HRH1: variants seen among roughly 807,000 people sequenced by gnomAD.
HRH1 encodes the protein histamine H1 receptor.
In HRH1, 6 loss-of-function variants were observed where a neutral mutation model predicts 10.3. That is an observed-to-expected ratio of 0.58 (90% CI 0.32 to 1.15). The LOEUF is 1.15. Among genes scored for constraint, HRH1 ranks in the 50% most tolerant of loss-of-function variants. The pLI, the probability that HRH1 is intolerant of heterozygous loss-of-function variation, is 0.05. For synonymous variants in HRH1, 242 were observed against 236.7 expected, an observed-to-expected ratio of 1.02 and a Z score of -0.21; for missense variants, 514 against 615.3, an observed-to-expected ratio of 0.84 and a Z score of 1.74.
intron 1 of HRH1, among the ~76,000 whole-genome samples, chr3:11,161,735 A>G (rs1443118667): frequency 6.6e-6 from 1 of 152,222 alleles, no homozygotes; most frequent in Non-Finnish European, 1.5e-5. Flanking sequence ...TCCCTGTTGT[A>G]TCAGGAGCTC....
upstream of HRH1, among the ~76,000 whole-genome samples, chr3:11,150,062 T>A (rs886206076): frequency 1.3e-5 from 2 of 152,256 alleles, no homozygotes; most frequent in African/African-American, 4.8e-5. Flanking sequence ...TCACTTCTCA[T>A]TGTGATCTTT....
intron 1 of HRH1, among the ~76,000 whole-genome samples, chr3:11,182,649 T>C (rs1012410262): frequency 6.6e-6 from 1 of 152,134 alleles, no homozygotes; most frequent in African/African-American, 2.4e-5. Context: ...TATGCATCTG[T>C]GAAATGGAGG....
chr3:11,189,476 G>T (rs964013277), intron 1 of HRH1, among the ~76,000 whole-genome samples: 1 of 152,152 alleles, frequency 6.6e-6, no homozygotes, highest in African/African-American at 2.4e-5. Flanking sequence ...GTATTATAAC[G>T]AGATCCTTGG....
chr3:11,241,544 A>T (rs1174228614), intron 1 of HRH1, among the ~76,000 whole-genome samples: 1 of 152,092 alleles, frequency 6.6e-6, no homozygotes, highest in Non-Finnish European at 1.5e-5. Context: ...TATAAAATGC[A>T]CCACTCAGGC....
intron 1 of HRH1, among the ~76,000 whole-genome samples, chr3:11,197,767 A>G (rs1937720648): frequency 1.3e-5 from 2 of 152,146 alleles, no homozygotes; most frequent in Non-Finnish European, 2.9e-5. Context: ...CCATAAAACT[A>G]ATTGAAGGAA....
At chr3:11,250,730 G>A (rs986921894) in intron 1 of HRH1, among the ~76,000 whole-genome samples, 1 of 152,170 alleles carries the variant, frequency 6.6e-6, no homozygotes, top group Non-Finnish European at 1.5e-5. Flanking sequence ...TCTCATAAGG[G>A]GGTAGACCTA....
At chr3:11,223,219 C>T (rs762280057) in intron 1 of HRH1, among the ~76,000 whole-genome samples, 1 of 133,448 alleles carries the variant, frequency 7.5e-6, no homozygotes, top group Non-Finnish European at 1.5e-5. Context: ...AAAGTCCAGG[C>T]ACAGTGGCTC....
chr3:11,147,540 C>T (rs1936478750), intron 1 of HRH1, among the ~76,000 whole-genome samples: 1 of 152,134 alleles, frequency 6.6e-6, no homozygotes, highest in South Asian at 2.1e-4. Flanking sequence ...AAATAAGCTA[C>T]CTCAGCTATG....
At chr3:11,217,381 T>G (rs994915361) in intron 1 of HRH1, among the ~76,000 whole-genome samples, 1 of 151,526 alleles carries the variant, frequency 6.6e-6, no homozygotes, top group Non-Finnish European at 1.5e-5. Context: ...ATACAAAAAT[T>G]ATCCCGGCAT....
intron 1 of HRH1, among the ~76,000 whole-genome samples, chr3:11,242,116 T>C (rs1939360391): frequency 6.6e-6 from 1 of 152,168 alleles, no homozygotes; most frequent in South Asian, 2.1e-4. Context: ...TTCTAGGCTG[T>C]AGAAGGTTTC....
intron 1 of HRH1, among the ~76,000 whole-genome samples, chr3:11,147,989 G>A (rs984079867): frequency 6.6e-6 from 1 of 152,042 alleles, no homozygotes; most frequent in Non-Finnish European, 1.5e-5. Context: ...AGACCATCCT[G>A]GCCAACATGG....
chr3:11,216,082 C>G (rs1938482541), intron 1 of HRH1, among the ~76,000 whole-genome samples: 1 of 152,060 alleles, frequency 6.6e-6, no homozygotes. Flanking sequence ...GGAACATTAC[C>G]TTTTGGATCC....
intron 1 of HRH1, among the ~76,000 whole-genome samples, chr3:11,250,329 G>A (rs1386378427): frequency 1.3e-5 from 2 of 151,616 alleles, no homozygotes; most frequent in Non-Finnish European, 2.9e-5. Context: ...AAAGTGCTGG[G>A]ATTACAGGCG....
At chr3:11,210,599 C>A (rs1319964055) in intron 1 of HRH1, among the ~76,000 whole-genome samples, 1 of 152,122 alleles carries the variant, frequency 6.6e-6, no homozygotes, top group Non-Finnish European at 1.5e-5. Context: ...TGAGGCCAGC[C>A]TGGGCAATGC....
At chr3:11,161,046 C>G (rs902602146) in intron 1 of HRH1, among the ~76,000 whole-genome samples, 2 of 152,062 alleles carry the variant, frequency 1.3e-5, no homozygotes, top group Non-Finnish European at 2.9e-5. Flanking sequence ...TGTCATTCTC[C>G]TCCTGCCCTG....
At chr3:11,151,390 G>A (rs1389240797), upstream of HRH1, among the ~76,000 whole-genome samples, 2 of 152,184 alleles carry the variant, frequency 1.3e-5, no homozygotes, top group Non-Finnish European at 2.9e-5. Flanking sequence ...TCTGAATCCA[G>A]GCCTACTTCC....
At chr3:11,144,527 C>T (rs1479916024) in intron 1 of HRH1, among the ~76,000 whole-genome samples, 2 of 127,458 alleles carry the variant, frequency 1.6e-5, no homozygotes, top group East Asian at 2.2e-4. Flanking sequence ...TCATGGAATA[C>T]TACTCAGCCA....
chr3:11,178,771 G>A (rs1574990958), intron 1 of HRH1, among the ~76,000 whole-genome samples: 2 of 152,088 alleles, frequency 1.3e-5, no homozygotes, highest in Middle Eastern at 3.4e-3. Context: ...TGCTTTCTCC[G>A]AGAGCCCTTC....
At chr3:11,225,261 T>G (rs1282254691) in intron 1 of HRH1, among the ~76,000 whole-genome samples, 1 of 152,270 alleles carries the variant, frequency 6.6e-6, no homozygotes, top group Non-Finnish European at 1.5e-5. Context: ...ATGCCTTCAT[T>G]TCCTTTTCTT....
Sources: gnomAD v4.1 joint callset for allele counts (sites outside exome capture counted in the v4.1 genomes callset) on GRCh38, gnomAD v4.1.1 for gene constraint, MANE v1.5 for transcripts, NCBI Gene and HGNC (gene_info 2026-07-23, HGNC 2026-07-21) for gene names.